Variants in PLGRKT observed in about 807,000 individuals in gnomAD.
PLGRKT encodes plasminogen receptor with a C-terminal lysine.
In PLGRKT, 22 loss-of-function variants were observed where a neutral mutation model predicts 18.5. The ratio of observed to expected loss-of-function variants is 1.19; its 90% CI spans 0.85 to 1.70. The LOEUF (loss-of-function observed/expected upper bound fraction) is 1.70. Ranked by LOEUF, PLGRKT falls within the 40% of genes most tolerant of loss-of-function variation. The pLI is 0.00. For missense variants in PLGRKT, 235 were observed against 174.4 expected, an observed-to-expected ratio of 1.35 and a Z score of -1.96; for synonymous variants, 72 against 52.8, an observed-to-expected ratio of 1.36 and a Z score of -1.58.
rs535777279 is a variant in PLGRKT at position 5,363,241 on chromosome 9, A to G, written c.82-1353T>C. Among the ~76,000 whole-genome samples the G allele has an allele frequency of 9.3e-4, 141 of 151,956 alleles. 1 individual carries two copies. The highest frequency in any genetic ancestry group is 2.8e-3 in the African/African-American group (116 of 41,462). On this transcript the variant is annotated intron_variant, in intron 3 of 5. Transcript: ENST00000223864. ...GCTTTTCTGCTTTGTTTTCTGTTCAATCAACCTGGACAGCGCCACATGATG... is the reference window on the plus strand; with the variant it reads ...GCTTTTCTGCTTTGTTTTCTGTTCAGTCAACCTGGACAGCGCCACATGATG...
intron 3 of PLGRKT, among the ~76,000 whole-genome samples, chr9:5,381,559 A>C (rs1403070843): frequency 6.6e-6 from 1 of 152,248 alleles, no homozygotes; most frequent in East Asian, 1.9e-4. Context: ...CAAAGTTTGC[A>C]TTTACAAACG....
At chr9:5,409,229 G>T (rs1818314699) in intron 3 of PLGRKT, among the ~76,000 whole-genome samples, 1 of 152,182 alleles carries the variant, frequency 6.6e-6, no homozygotes, top group Non-Finnish European at 1.5e-5. Flanking sequence ...TATCTGTGAG[G>T]GTGTTGCCAA....
At chr9:5,403,504 C>T (rs1356050890) in intron 3 of PLGRKT, among the ~76,000 whole-genome samples, 1 of 152,126 alleles carries the variant, frequency 6.6e-6, no homozygotes, top group Non-Finnish European at 1.5e-5. Context: ...GGATTACAGG[C>T]GTGAGCCACC....
intron 3 of PLGRKT, among the ~76,000 whole-genome samples, chr9:5,366,998 C>G (rs773833802): frequency 6.8e-6 from 1 of 147,170 alleles, no homozygotes; most frequent in Non-Finnish European, 1.5e-5. Context: ...GAATGCAATC[C>G]CATTTACAAC....
At chr9:5,369,630 A>C (rs1817474133) in intron 3 of PLGRKT, among the ~76,000 whole-genome samples, 1 of 152,240 alleles carries the variant, frequency 6.6e-6, no homozygotes. Flanking sequence ...ATAAAGACAC[A>C]TGCACACATA....
intron 3 of PLGRKT, among the ~76,000 whole-genome samples, chr9:5,400,442 C>T (rs775250200): frequency 2.0e-5 from 3 of 151,696 alleles, no homozygotes; most frequent in African/African-American, 4.9e-5. Flanking sequence ...ATCCTATTAC[C>T]GTAATGAAAT....
chr9:5,397,513 G>A (rs1383540401), intron 3 of PLGRKT, among the ~76,000 whole-genome samples: 1 of 151,404 alleles, frequency 6.6e-6, no homozygotes, highest in African/African-American at 2.4e-5. Context: ...AATATTTGTT[G>A]AAAGAAGGAA....
chr9:5,368,504 T>C (rs1220604856), intron 3 of PLGRKT, among the ~76,000 whole-genome samples: 2 of 152,160 alleles, frequency 1.3e-5, no homozygotes, highest in Non-Finnish European at 2.9e-5. Flanking sequence ...TAACTCATGT[T>C]CTCACTTGTA....
chr9:5,372,576 T>G (rs1459925804), intron 3 of PLGRKT, among the ~76,000 whole-genome samples: 1 of 152,210 alleles, frequency 6.6e-6, no homozygotes, highest in East Asian at 1.9e-4. Context: ...CGTGGGATTC[T>G]CCTAGGGGAA....
intron 3 of PLGRKT, among the ~76,000 whole-genome samples, chr9:5,396,369 T>C (rs542840607): frequency 2.2e-4 from 33 of 151,454 alleles, no homozygotes; most frequent in Non-Finnish European, 3.5e-4. Flanking sequence ...CACTGCAACC[T>C]CAACCTCCCA....
intron 3 of PLGRKT, among the ~76,000 whole-genome samples, chr9:5,383,523 A>T: frequency 6.6e-6 from 1 of 152,292 alleles, no homozygotes; most frequent in East Asian, 1.9e-4. Context: ...TATTATTATT[A>T]CATTGTAATA....
chr9:5,408,149 A>G (rs1818291194), intron 3 of PLGRKT, among the ~76,000 whole-genome samples: 1 of 152,246 alleles, frequency 6.6e-6, no homozygotes, highest in Admixed American at 6.5e-5. Flanking sequence ...TTCACACTGA[A>G]AGTGGCTTTC....
chr9:5,381,497 G>C lies in PLGRKT; in HGVS notation c.82-19609C>G, dbSNP rs1351091326. 2.6e-5 allele frequency among the ~76,000 whole-genome samples: 4 copies of C among 152,342 alleles called. No homozygotes were observed. In the East Asian group the frequency reaches 5.8e-4, roughly 22 times the overall value. ...CACAGAAGTCAAGAACTGAGCTTTG[G>C]GAACCTCCACCTCAGTTTCAGAGGA... On this transcript the variant is annotated intron_variant, in intron 3 of 5. Coordinates refer to ENST00000223864, the MANE Select transcript of PLGRKT (RefSeq NM_018465.4).
In PLGRKT at chr9:5,406,585, C is replaced by T. The variant is rs963041024; in HGVS notation, c.81+25312G>A. ...GAACACATGGAGACAGGGAGGGGAA[C>T]AACATTCACTGGGGCCTGTTGGGGG... On this transcript the variant is annotated intron_variant, in intron 3 of 5. Coordinates refer to ENST00000223864, the MANE Select transcript of PLGRKT (RefSeq NM_018465.4). Among the ~76,000 whole-genome samples, 6 of 123,060 alleles carry T rather than the reference C, an allele frequency of 4.9e-5. No individual in the cohort carries two copies. The South Asian group carries it at 1.7e-3, about 34-fold the overall frequency. The allele number at this position is 123,060 out of a possible 152,430, so 80.7% of individuals were successfully genotyped here.
rs972002885 is a variant in PLGRKT at position 5,420,301 on chromosome 9, G to C, written c.81+11596C>G. On this transcript the variant is annotated intron_variant, in intron 3 of 5. Coordinates refer to ENST00000223864, the MANE Select transcript of PLGRKT (RefSeq NM_018465.4). ...TTACAGGGTTTCCTTTTGGAGTGAT[G>C]AAGTGTTACAGAATTAAATAGTGGT... Among the ~76,000 whole-genome samples the C allele has an allele frequency of 3.9e-5, 6 of 152,330 alleles. No homozygotes were observed. The South Asian group carries it at 8.3e-4, about 21-fold the overall frequency.
At chr9:5,421,575 T>C (rs1332546273) in intron 3 of PLGRKT, among the ~76,000 whole-genome samples, 1 of 152,216 alleles carries the variant, frequency 6.6e-6, no homozygotes, top group Non-Finnish European at 1.5e-5. Flanking sequence ...CAATAAACAT[T>C]TGGTGAATGA....
At chr9:5,407,493 C>G (rs1193080888) in intron 3 of PLGRKT, among the ~76,000 whole-genome samples, 1 of 151,988 alleles carries the variant, frequency 6.6e-6, no homozygotes, top group Non-Finnish European at 1.5e-5. Context: ...TCTTTATAAC[C>G]TTATTGACTA....
chr9:5,416,948 G>A (rs2131153322), intron 3 of PLGRKT, among the ~76,000 whole-genome samples: 1 of 152,304 alleles, frequency 6.6e-6, no homozygotes, highest in African/African-American at 2.4e-5. Context: ...AGCTCCCCAA[G>A]TGACTGCAGA....
intron 3 of PLGRKT, among the ~76,000 whole-genome samples, chr9:5,431,589 A>C (rs1176137994): frequency 6.6e-6 from 1 of 151,528 alleles, no homozygotes; most frequent in Non-Finnish European, 1.5e-5. Flanking sequence ...GTCCATCTGC[A>C]TAATCCAGGA....
Sources: gnomAD v4.1 joint callset for allele counts (sites outside exome capture counted in the v4.1 genomes callset) on GRCh38, gnomAD v4.1.1 for gene constraint, MANE v1.5 for transcripts, NCBI Gene and HGNC (gene_info 2026-07-23, HGNC 2026-07-21) for gene names.